VPS37A: variants seen among roughly 807,000 people sequenced by gnomAD.
The protein encoded by VPS37A is VPS37A subunit of ESCRT-I, also known as vacuolar protein sorting-associated protein 37A.
VPS37A carries 30 observed loss-of-function variants against 49.8 expected under a neutral mutation model. The observed-to-expected ratio is 0.60, with a 90% confidence interval of 0.45 to 0.82. The LOEUF (loss-of-function observed/expected upper bound fraction) is 0.82, where lower values mean the gene tolerates loss of function less well. Among genes scored for constraint, VPS37A ranks in the 40% least tolerant of loss-of-function variants. The probability of loss-of-function intolerance (pLI) is 0.00; values close to 1 mark genes in which losing one functional copy is unlikely to be tolerated. For missense variants in VPS37A, 593 were observed against 464.4 expected (o/e 1.28, Z -2.55); for synonymous variants, 195 against 160.6 (o/e 1.21, Z -1.62).
At chr8:17,326,664 A>G in the VPS37A span, among the ~76,000 whole-genome samples, 3 of 152,248 alleles carry the variant, frequency 2.0e-5, no homozygotes, top group Admixed American at 2.0e-4. Context: ...ACAGGCTGCC[A>G]TGCTGTGAAC....
intron 1 of VPS37A, among the ~76,000 whole-genome samples, chr8:17,252,342 G>C (rs1334540947): frequency 6.6e-6 from 1 of 151,960 alleles, no homozygotes; most frequent in African/African-American, 2.4e-5. Flanking sequence ...TTTTGTTGTT[G>C]TTGTTGTTGT....
chr8:17,322,504 G>T, the VPS37A span, among the ~76,000 whole-genome samples: 1 of 152,242 alleles, frequency 6.6e-6, no homozygotes, highest in East Asian at 1.9e-4. Flanking sequence ...AACTGCAGAG[G>T]TGTGTAAAAC....
chr8:17,291,699 G>A (rs543817015), intron 11 of VPS37A, among the ~76,000 whole-genome samples: 8 of 152,208 alleles, frequency 5.3e-5, no homozygotes, highest in African/African-American at 1.7e-4. Flanking sequence ...TGGTTTCAAA[G>A]AACTTATTTA....
In VPS37A at chr8:17,268,955, TAGTA is replaced by T. The variant is rs767029103; in HGVS notation, c.416+4_416+7del. On this transcript the variant is annotated splice_donor_variant and splice_donor_region_variant and coding_sequence_variant and intron_variant, in exon 4 of 12. Coordinates refer to ENST00000324849, the MANE Select transcript of VPS37A (RefSeq NM_152415.3). LOFTEE classifies it high-confidence loss of function. ...AGCTCCTACTTCAACAGCATTTCCT[TAGTA>T]AGTATATTTCTAGTAAATAAAAAAG... 1 of 1,587,546 alleles carries T rather than the reference TAGTA, an allele frequency of 6.3e-7. No homozygotes were observed. Among genetic ancestry groups the T allele is most frequent in the South Asian group, 1.1e-5 (1 of 88,212 alleles).
chr8:17,303,750 C>T (rs1338697934), downstream of VPS37A, among the ~76,000 whole-genome samples: 1 of 152,066 alleles, frequency 6.6e-6, no homozygotes, highest in African/African-American at 2.4e-5. Context: ...GCTAGGATTA[C>T]AGGCGCTCAC....
chr8:17,321,995 G>A, the VPS37A span, among the ~76,000 whole-genome samples: 7 of 151,116 alleles, frequency 4.6e-5, no homozygotes, highest in African/African-American at 1.7e-4. Flanking sequence ...CTATGCAATT[G>A]CTGGTGGGGT....
chr8:17,285,384 C>G (rs952629724), intron 10 of VPS37A, among the ~76,000 whole-genome samples: 16 of 152,124 alleles, frequency 1.1e-4, no homozygotes, highest in African/African-American at 3.9e-4. Flanking sequence ...TTATAGAATA[C>G]ATTTTTAAAA....
the VPS37A span, among the ~76,000 whole-genome samples, chr8:17,316,076 A>G: frequency 1.3e-5 from 2 of 152,138 alleles, no homozygotes; most frequent in African/African-American, 2.4e-5. Flanking sequence ...CTTTCCTATG[A>G]AGATTGTTAA....
Position 17,248,561 on chromosome 8 carries a change from C to A in VPS37A, c.125+1192C>A, listed in dbSNP as rs115833841. On this transcript the variant is annotated intron_variant, in intron 1 of 11. Coordinates refer to ENST00000324849, the MANE Select transcript of VPS37A (RefSeq NM_152415.3). ...AAAGTGCTGGGATTACAGGAATAAG[C>A]CACCTCGCCGGGCTCCTAGCCCTTT... The A allele has an allele frequency of 5.6e-3, 1,764 of 314,202 alleles. 27 individuals carry two copies. The highest frequency in any genetic ancestry group is 0.035 in the African/African-American group (1,593 of 45,016). The allele number at this position is 314,202 out of a possible 1,614,324, so 19.5% of individuals were successfully genotyped here.
chr8:17,280,811 G>C (rs1252134740), intron 9 of VPS37A, among the ~76,000 whole-genome samples: 2 of 151,468 alleles, frequency 1.3e-5, no homozygotes, highest in African/African-American at 2.4e-5. Context: ...AAATTAAAAA[G>C]AATAATATAT....
rs559101943 is a variant in VPS37A at position 17,248,865 on chromosome 8, G to C, written c.125+1496G>C. 1.4e-4 allele frequency among the ~76,000 whole-genome samples: 21 copies of C among 152,202 alleles called. 1 individual carries two copies. In the South Asian group the frequency reaches 3.9e-3, roughly 29 times the overall value. On this transcript the variant is annotated intron_variant, in intron 1 of 11. Transcript: ENST00000324849. ...GGCTGTTATTGGTGGCTTTCATTCT[G>C]GAAAATTAAGTTCGCAAAGTTCTTA...
At chr8:17,309,382 C>T in the VPS37A span, 86 of 1,175,102 alleles carry the variant, frequency 7.3e-5, no homozygotes, top group Non-Finnish European at 1.0e-4. Flanking sequence ...AATAAGAGAC[C>T]ACACAACCAA....
At chr8:17,263,857 C>A (rs1250381094) in intron 1 of VPS37A, among the ~76,000 whole-genome samples, 1 of 152,114 alleles carries the variant, frequency 6.6e-6, no homozygotes, top group Non-Finnish European at 1.5e-5. Context: ...AAGAGAATTG[C>A]TTGAACCCAG....
chr8:17,305,864 A>C (rs757889493), downstream of VPS37A: 1 of 1,613,680 alleles, frequency 6.2e-7, no homozygotes, highest in Non-Finnish European at 8.5e-7. Flanking sequence ...ACTCAAAGGC[A>C]CAGGGAAATT....
downstream of VPS37A, chr8:17,305,756 C>T (rs1817407841): frequency 1.2e-6 from 2 of 1,605,308 alleles, no homozygotes; most frequent in Non-Finnish European, 1.7e-6. Flanking sequence ...AAAACACTTA[C>T]TTGAGTTCTC....
At chr8:17,282,023 T>C (rs1482331178) in intron 9 of VPS37A, among the ~76,000 whole-genome samples, 1 of 152,078 alleles carries the variant, frequency 6.6e-6, no homozygotes, top group Non-Finnish European at 1.5e-5. Flanking sequence ...AGAATATTTT[T>C]TTTATCTTAA....
the VPS37A span, among the ~76,000 whole-genome samples, chr8:17,318,051 A>G: frequency 6.6e-6 from 1 of 152,026 alleles, no homozygotes; most frequent in Non-Finnish European, 1.5e-5. Context: ...GACTCCCTAC[A>G]TCAAACTGAG....
chr8:17,299,869 G>C (rs751248856), downstream of VPS37A: 1 of 1,613,972 alleles, frequency 6.2e-7, no homozygotes, highest in Non-Finnish European at 8.5e-7. Context: ...ACTTCAGGCA[G>C]TGAGAAACAC....
At chr8:17,324,828 T>C in the VPS37A span, among the ~76,000 whole-genome samples, 2 of 152,294 alleles carry the variant, frequency 1.3e-5, no homozygotes, top group South Asian at 4.1e-4. Flanking sequence ...TTATTATTGG[T>C]TATCTCCTCC....
Sources: allele counts gnomAD v4.1 joint callset (sites outside exome capture counted in the v4.1 genomes callset), GRCh38; gene constraint gnomAD v4.1.1; transcripts MANE v1.5; gene names NCBI Gene and HGNC (gene_info 2026-07-23, HGNC 2026-07-21).